Variants in PCDHGB6 observed in about 807,000 individuals in gnomAD.
PCDHGB6 encodes the protein protocadherin gamma-B6.
In PCDHGB6, 51 loss-of-function variants were observed where a neutral mutation model predicts 59.1. That is an observed-to-expected ratio of 0.86 (90% CI 0.69 to 1.09). The LOEUF (loss-of-function observed/expected upper bound fraction) is 1.09, where lower values mean the gene tolerates loss of function less well. PCDHGB6 is among the 50% of genes least tolerant of loss of function. The pLI is 0.00. For missense variants in PCDHGB6, 1,148 were observed against 1,205.1 expected (o/e 0.95, Z 0.70); for synonymous variants, 466 against 495.1 (o/e 0.94, Z 0.78).
rs2095343394 is a variant in PCDHGB6, at chr5:141,409,980, C to T, written c.1778C>T (p.Ala593Val). Residue 593 changes from alanine (A) to valine (V), a missense_variant, in exon 1 of 4, where the codon GCG becomes GTG. Physicochemically the swap from Ala to Val is moderately conservative, Grantham distance 64 (BLOSUM62 0). Transcript: ENST00000520790. ...GGCTACCTAGTGACTAAGGTGGTAG[C>T]GGTGGACGCCGACTCGGGACACAAC... ...EPGYLVTKVV[A>V]VDADSGHNAW... The T allele has an allele frequency of 6.2e-7, 1 of 1,613,322 alleles. No homozygotes were observed. Among genetic ancestry groups the T allele is most frequent in the Non-Finnish European group, 8.5e-7 (1 of 1,179,828 alleles).
Position 141,420,935 on chromosome 5 carries a change from A to G in PCDHGB6, c.2418+10315A>G, listed in dbSNP as rs542779087. ...GTGATTCACAAAGGTGAGCGTAATCATTTCTTCTGGAATTTCTTAGTCGTT... is the reference window on the plus strand; with the variant it reads ...GTGATTCACAAAGGTGAGCGTAATCGTTTCTTCTGGAATTTCTTAGTCGTT... On this transcript the variant is annotated intron_variant, in intron 1 of 3. Coordinates refer to ENST00000520790, the MANE Select transcript of PCDHGB6 (RefSeq NM_018926.3). 2.6e-5 allele frequency: 10 copies of G among 380,486 alleles called. 1 individual carries two copies. Among genetic ancestry groups the G allele is most frequent in the African/African-American group, 1.7e-4 (8 of 47,720 alleles). The allele number at this position is 380,486 out of a possible 1,614,324, so 23.6% of individuals were successfully genotyped here.
At position 141,408,345 on chromosome 5, in the gene PCDHGB6, G is replaced by A. The variant is rs370026579; in HGVS notation, c.143G>A (p.Gly48Glu). 1.9e-6 allele frequency: 3 copies of A among 1,613,812 alleles called. No homozygotes were observed. The highest frequency in any genetic ancestry group is 2.5e-6 in the Non-Finnish European group (3 of 1,179,800). The change falls in exon 1 of 4, where the codon GGG becomes GAG. Residue 48 changes from glycine (G) to glutamate (E), a missense_variant. Physicochemically the swap from Gly to Glu is moderately conservative, Grantham distance 98 (BLOSUM62 -2). Coordinates refer to ENST00000520790, the MANE Select transcript of PCDHGB6 (RefSeq NM_018926.3). ...GAGCTGGCCAAGGGCTCGGTGGTGGGGAACCTCGCTAAGGATCTAGGGCTC... is the reference window on the plus strand; with the variant it reads ...GAGCTGGCCAAGGGCTCGGTGGTGGAGAACCTCGCTAAGGATCTAGGGCTC... The part of the protein sequence containing the change: ...PEELAKGSVV[G>E]NLAKDLGLSV...
chr5:141,430,686 C>G, intron 1 of PCDHGB6: 1 of 1,397,218 alleles, frequency 7.2e-7, no homozygotes, highest in Non-Finnish European at 9.5e-7. Context: ...CTGTCCCATT[C>G]TATGGGCGAA....
intron 1 of PCDHGB6, among the ~76,000 whole-genome samples, chr5:141,461,391 G>A (rs1310387476): frequency 1.3e-5 from 2 of 152,058 alleles, no homozygotes; most frequent in East Asian, 1.9e-4. Context: ...GATGATTAGC[G>A]ATGTTGAGCA....
chr5:141,422,400 G>A (rs1207332302), intron 1 of PCDHGB6: 3 of 1,598,664 alleles, frequency 1.9e-6, no homozygotes, highest in South Asian at 2.3e-5. Context: ...CTAACCACCT[G>A]CCTTTTAAAT....
In PCDHGB6 at chr5:141,431,937, A is replaced by T; in HGVS notation, c.2418+21317A>T. On this transcript the variant is annotated intron_variant, in intron 1 of 3. Coordinates refer to ENST00000520790, the MANE Select transcript of PCDHGB6 (RefSeq NM_018926.3). The surrounding 1 kb of genome is among the most constrained non-coding windows in gnomAD (Gnocchi z 4.8). ...TTCATCCAAGGAAATCTGCCCTTTAAATTAGAAAAATCTTACGGAAATTAC... is the reference window on the plus strand; with the variant it reads ...TTCATCCAAGGAAATCTGCCCTTTATATTAGAAAAATCTTACGGAAATTAC... The T allele has an allele frequency of 6.2e-7, 1 of 1,614,144 alleles. No individual in the cohort carries two copies. The highest frequency in any genetic ancestry group is 8.5e-7 in the Non-Finnish European group (1 of 1,180,014).
At chr5:141,433,272 C>A in intron 1 of PCDHGB6, 1 of 1,252,410 alleles carries the variant, frequency 8.0e-7, no homozygotes, top group Non-Finnish European at 1.1e-6. Context: ...TAGCTCACTG[C>A]AGCCTCAAAC....
At chr5:141,453,014 G>A (rs2098753820) in intron 1 of PCDHGB6, among the ~76,000 whole-genome samples, 1 of 152,206 alleles carries the variant, frequency 6.6e-6, no homozygotes, top group Non-Finnish European at 1.5e-5. Flanking sequence ...GTATAGTTAT[G>A]TGATTCATTA....
At chr5:141,416,620 G>T (rs1395913352) in intron 1 of PCDHGB6, 1 of 152,142 alleles carries the variant, frequency 6.6e-6, no homozygotes, top group Non-Finnish European at 1.5e-5. Flanking sequence ...CATTTCTGCA[G>T]ATCAGAATAT....
intron 1 of PCDHGB6, chr5:141,478,760 C>T (rs1472984737): frequency 1.5e-5 from 23 of 1,510,888 alleles, no homozygotes; most frequent in Non-Finnish European, 1.9e-5. Context: ...GGGGAAGATA[C>T]TTGACTCATC....
intron 1 of PCDHGB6, chr5:141,424,031 T>G (rs2096796228): frequency 1.9e-6 from 2 of 1,036,050 alleles, no homozygotes; most frequent in African/African-American, 3.4e-5. Flanking sequence ...AAACACTTTT[T>G]ATTTCCATTT....
At chr5:141,415,740 G>GTTTTTTTTTTTTTTTTTTTTTTTTTTT (rs57426385) in intron 1 of PCDHGB6, 4 of 625,042 alleles carry the variant, frequency 6.4e-6, no homozygotes, top group Non-Finnish European at 6.4e-6. Flanking sequence ...GTTTATTAAG[G>GTTTTTTTTTTTTTTTTTTTTTTTTTTT]TTTTTTTTTT....
At chr5:141,501,103 G>A (rs1449600108) in intron 2 of PCDHGB6, among the ~76,000 whole-genome samples, 9 of 152,078 alleles carry the variant, frequency 5.9e-5, no homozygotes, top group African/African-American at 1.4e-4. Context: ...TCTTGACCTC[G>A]TGATCCGCCT....
chr5:141,479,616 C>A (rs1371541860), intron 1 of PCDHGB6: 2 of 152,232 alleles, frequency 1.3e-5, no homozygotes, highest in African/African-American at 4.8e-5. Flanking sequence ...TATAGGGAAA[C>A]CATGTCTCTT....
rs1476081470 is a variant in PCDHGB6, at chr5:141,432,757, C to G, written c.2418+22137C>G. 2.5e-6 allele frequency: 4 copies of G among 1,614,150 alleles called. No homozygotes were observed. The highest frequency in any genetic ancestry group is 1.3e-5 in the African/African-American group (1 of 75,076). ...TCACGCTCACCGTGGCCGTGGCCGA[C>G]AGCATCCCCCAAGTCCTGGCGGACC... On this transcript the variant is annotated intron_variant, in intron 1 of 3. Coordinates refer to ENST00000520790, the MANE Select transcript of PCDHGB6 (RefSeq NM_018926.3). This position sits in a 1 kb window ranked among gnomAD's most constrained non-coding sequence, Gnocchi z 6.0.
chr5:141,468,339 A>G (rs1320544911), intron 1 of PCDHGB6: 2 of 151,348 alleles, frequency 1.3e-5, no homozygotes, highest in Non-Finnish European at 2.9e-5. Context: ...TCAAAAAAAA[A>G]AAAAAAAAAA....
chr5:141,490,936 C>T lies in PCDHGB6; in HGVS notation c.2419-3871C>T. 6.2e-7 allele frequency: 1 copy of T among 1,613,694 alleles called. No individual in the cohort carries two copies. On this transcript the variant is annotated intron_variant, in intron 1 of 3. Transcript: ENST00000520790. The surrounding 1 kb of genome is among the most constrained non-coding windows in gnomAD (Gnocchi z 5.4). ...GAATGATAATGCCCCAGCTGTGCTG[C>T]ACCCACGGCCAGACTGGGAACACTC...
At chr5:141,435,172 T>G (rs1406204282) in intron 1 of PCDHGB6, among the ~76,000 whole-genome samples, 1 of 152,198 alleles carries the variant, frequency 6.6e-6, no homozygotes, top group Non-Finnish European at 1.5e-5. Context: ...GAGTGGCTTT[T>G]AACTACACTT....
At chr5:141,413,248 G>C in intron 1 of PCDHGB6, 1 of 1,613,962 alleles carries the variant, frequency 6.2e-7, no homozygotes, top group Non-Finnish European at 8.5e-7. Context: ...CCTTTTCTTC[G>C]GGATTCCATG....
Sources: allele counts gnomAD v4.1 joint callset (sites outside exome capture counted in the v4.1 genomes callset), GRCh38; gene constraint gnomAD v4.1.1; non-coding constraint Gnocchi (gnomAD v3.1); transcripts MANE v1.5; gene names NCBI Gene and HGNC (gene_info 2026-07-23, HGNC 2026-07-21).